AXDND1: variants seen among roughly 807,000 people sequenced by gnomAD.
AXDND1 encodes the protein axonemal dynein light chain domain-containing protein 1.
AXDND1 carries 110 observed loss-of-function variants against 137.5 expected under a neutral mutation model. The observed-to-expected ratio is 0.80, with a 90% CI of 0.69 to 0.94. The LOEUF (loss-of-function observed/expected upper bound fraction) is 0.94. Ranked by LOEUF, AXDND1 falls within the 40% of genes least tolerant of loss-of-function variation. AXDND1 has a pLI of 0.00. For missense variants in AXDND1, 1,191 were observed against 1,169.8 expected (o/e 1.02, Z -0.26); for synonymous variants, 414 against 399.7 (o/e 1.04, Z -0.43).
At position 179,411,216 on chromosome 1, in the gene AXDND1, G is replaced by C. The variant is rs1012951084; in HGVS notation, c.1180G>C (p.Val394Leu). 5 of 1,612,764 alleles carry C rather than the reference G, an allele frequency of 3.1e-6. No homozygotes were observed. Among genetic ancestry groups the C allele is most frequent in the Admixed American group, 3.3e-5 (2 of 59,714 alleles). The change falls in exon 12 of 26, where the codon GTG becomes CTG. Residue 394 changes from valine to leucine, a missense_variant. Coordinates refer to ENST00000367618, the MANE Select transcript of AXDND1 (RefSeq NM_144696.6). ...ERMENDMKKLVAERDIWSSAT... is the reference protein window; with the variant it reads ...ERMENDMKKLLAERDIWSSAT... ...GATGGAGAATGATATGAAAAAGTTAGTGGCAGAAAGAGATATCTGGAGCTC... is the reference window on the plus strand; with the variant it reads ...GATGGAGAATGATATGAAAAAGTTACTGGCAGAAAGAGATATCTGGAGCTC...
intron 21 of AXDND1, among the ~76,000 whole-genome samples, chr1:179,513,052 T>C (rs1039961030): frequency 1.3e-5 from 2 of 152,192 alleles, no homozygotes. Flanking sequence ...TGTCCTTTAT[T>C]TCCTTCTCTT....
intron 12 of AXDND1, among the ~76,000 whole-genome samples, chr1:179,421,039 T>C (rs542450537): frequency 0.013 from 86 of 6,814 alleles, 1 homozygote; most frequent in South Asian, 0.046. Context: ...GGGTATCCCT[T>C]CCTTCCTTCC....
chr1:179,379,665 G>A (rs1419259957), intron 6 of AXDND1, among the ~76,000 whole-genome samples, 183 bp downstream of exon 6: 5 of 151,988 alleles, frequency 3.3e-5, no homozygotes, highest in Admixed American at 6.6e-5. Flanking sequence ...GTGTGGTGGC[G>A]GGTGCCTGTA....
intron 12 of AXDND1, among the ~76,000 whole-genome samples, chr1:179,419,298 C>G (rs574934535): frequency 6.6e-6 from 1 of 151,992 alleles, no homozygotes; most frequent in Admixed American, 6.5e-5. Flanking sequence ...GCCAAGATCA[C>G]GCCACTGCAC....
intron 12 of AXDND1, among the ~76,000 whole-genome samples, chr1:179,425,755 A>G (rs1385858134): frequency 6.6e-6 from 1 of 150,578 alleles, no homozygotes; most frequent in Non-Finnish European, 1.5e-5. Context: ...ACACCACTGC[A>G]CTCCAGTGTG....
intron 12 of AXDND1, among the ~76,000 whole-genome samples, chr1:179,414,661 G>A (rs1232835573): frequency 4.6e-5 from 7 of 151,926 alleles, no homozygotes; most frequent in Non-Finnish European, 1.0e-4. Context: ...TCCTGAACTC[G>A]TGATCCGCCC....
At chr1:179,432,372 T>A in intron 15 of AXDND1, 30 bp downstream of exon 15, 1 of 1,526,858 alleles carries the variant, frequency 6.5e-7, no homozygotes, top group Non-Finnish European at 8.8e-7. Flanking sequence ...AGCTTGGCAA[T>A]CAAAGTGCTG....
intron 25 of AXDND1, among the ~76,000 whole-genome samples, chr1:179,536,328 G>T (rs1244428826): frequency 6.6e-6 from 1 of 152,048 alleles, no homozygotes; most frequent in African/African-American, 2.4e-5. Flanking sequence ...TTTATTCTAG[G>T]GTTTTTATGG....
Position 179,395,164 on chromosome 1 carries a change from T to C in AXDND1, c.1071T>C (p.Asp357=). The change falls in exon 11 of 26, where the codon GAT becomes GAC. Residue 357 remains aspartate, a synonymous_variant. Transcript: ENST00000367618. ...LTKETEKAHK[D]LAQALLNAEK... Reference sequence around the variant, plus strand: ...AGGAAACAGAAAAAGCCCACAAGGATTTGGCACAAGCTCTTTTAAATGCGG... The same window carrying C: ...AGGAAACAGAAAAAGCCCACAAGGACTTGGCACAAGCTCTTTTAAATGCGG... 1 of 1,613,648 alleles carries C rather than the reference T, an allele frequency of 6.2e-7. No individual in the cohort carries two copies. Among genetic ancestry groups the C allele is most frequent in the Non-Finnish European group, 8.5e-7 (1 of 1,179,792 alleles).
At chr1:179,454,689 G>T (rs1245112980) in intron 16 of AXDND1, 1 of 152,178 alleles carries the variant, frequency 6.6e-6, no homozygotes, top group Non-Finnish European at 1.5e-5. Context: ...GTATGGGGAA[G>T]GGAGATTGTG....
intron 11 of AXDND1, among the ~76,000 whole-genome samples, chr1:179,407,097 A>C (rs4359001): frequency 0.87 from 132,898 of 152,118 alleles, 58,163 homozygotes; most frequent in East Asian, 0.9. Context: ...ATATAGGACT[A>C]CCTTCAGGCT....
rs1358159399 is a variant in AXDND1, at chr1:179,450,644, T to C, written c.1798+5440T>C. The C allele has an allele frequency of 2.0e-5, 3 of 152,262 alleles. No individual in the cohort carries two copies. The East Asian group carries it at 5.8e-4, about 29-fold the overall frequency. 9.4% of individuals were successfully genotyped at this position (152,262 alleles called of 1,614,324 possible). ...GATATATTACATTGATTTTTGGATA[T>C]TAATCCAATCTTCCTTGCCTAGGAT... On this transcript the variant is annotated intron_variant, in intron 16 of 25. Coordinates refer to ENST00000367618, the MANE Select transcript of AXDND1 (RefSeq NM_144696.6).
chr1:179,474,741 C>A (rs1489841284), intron 17 of AXDND1, among the ~76,000 whole-genome samples: 5 of 152,078 alleles, frequency 3.3e-5, no homozygotes, highest in South Asian at 4.1e-4. Context: ...AAAGAAAAAC[C>A]CGTTTTCTGG....
rs1215383284 is a variant in AXDND1 at position 179,528,189 on chromosome 1, A to G, written c.2611-138A>G. 7 of 626,220 alleles carry G rather than the reference A, an allele frequency of 1.1e-5. No homozygotes were observed. In the Admixed American group the frequency reaches 1.7e-4, roughly 15 times the overall value. The allele number at this position is 626,220 out of a possible 1,614,324, so 38.8% of individuals were successfully genotyped here. ...AGCGTTTGCTATGTGAAAGTCTTCAAAAATTCTTGTTGTGTGATTAAAGGA... is the reference window on the plus strand; with the variant it reads ...AGCGTTTGCTATGTGAAAGTCTTCAGAAATTCTTGTTGTGTGATTAAAGGA... On this transcript the variant is annotated intron_variant, in intron 22 of 25. Coordinates refer to ENST00000367618, the MANE Select transcript of AXDND1 (RefSeq NM_144696.6).
chr1:179,431,504 G>A (rs1657370549), intron 14 of AXDND1, among the ~76,000 whole-genome samples: 1 of 149,516 alleles, frequency 6.7e-6, no homozygotes, highest in African/African-American at 2.5e-5. Context: ...TGTTGTTGTT[G>A]TTTTTTAACT....
intron 17 of AXDND1, among the ~76,000 whole-genome samples, chr1:179,482,083 A>G (rs1425964321): frequency 7.0e-6 from 1 of 141,868 alleles, no homozygotes; most frequent in Non-Finnish European, 1.5e-5. Flanking sequence ...TTGGGACAAG[A>G]TTAGGAGCTT....
chr1:179,542,016 T>C (rs114659634), intron 25 of AXDND1, among the ~76,000 whole-genome samples: 1,749 of 152,276 alleles, frequency 0.011, 17 homozygotes, highest in Non-Finnish European at 0.017. Context: ...GAAAGAAATA[T>C]GCCCAAATAT....
At chr1:179,500,337 ATGTGTGTGTG>A (rs57654195) in intron 20 of AXDND1, among the ~76,000 whole-genome samples, 102 of 133,880 alleles carry the variant, frequency 7.6e-4, no homozygotes, top group Admixed American at 1.7e-3. Context: ...AGGGTACATT[ATGTGTGTGTG>A]TGTGTGTGTG....
intron 20 of AXDND1, among the ~76,000 whole-genome samples, chr1:179,505,902 G>A (rs1668496780): frequency 6.6e-6 from 1 of 152,124 alleles, no homozygotes; most frequent in African/African-American, 2.4e-5. Flanking sequence ...ACAGCGGGAG[G>A]CCATTTTTTA....
Sources: gnomAD v4.1 joint callset for allele counts (sites outside exome capture counted in the v4.1 genomes callset) on GRCh38, gnomAD v4.1.1 for gene constraint, MANE v1.5 for transcripts, NCBI Gene and HGNC (gene_info 2026-07-23, HGNC 2026-07-21) for gene names.